Variants in HSPH1 observed in about 807,000 individuals in gnomAD.
HSPH1 encodes heat shock protein 105 kDa.
In HSPH1, 40 loss-of-function variants were observed where a neutral mutation model predicts 100.0. The ratio of observed to expected loss-of-function variants is 0.40; its 90% CI spans 0.31 to 0.52. The LOEUF (loss-of-function observed/expected upper bound fraction) is 0.52. Ranked by LOEUF, HSPH1 falls within the 20% of genes least tolerant of loss-of-function variation. HSPH1 has a pLI of 0.54. For synonymous variants in HSPH1, 403 were observed against 344.0 expected (o/e 1.17, Z -1.90); for missense variants, 876 against 1,015.1 (o/e 0.86, Z 1.86).
At chr13:31,159,115 CCA>C (rs35544039) in intron 1 of HSPH1, among the ~76,000 whole-genome samples, 40,698 of 151,924 alleles carry the variant, frequency 0.27, 5,676 homozygotes, top group East Asian at 0.46. Context: ...TCTCCAGGTT[CCA>C]GTTATTATGA....
At chr13:31,145,089 A>C (rs1347255136) in intron 11 of HSPH1, among the ~76,000 whole-genome samples, 1 of 152,168 alleles carries the variant, frequency 6.6e-6, no homozygotes, top group African/African-American at 2.4e-5. Context: ...CTACACAGAC[A>C]CTTCTCTTCC....
intron 1 of HSPH1, among the ~76,000 whole-genome samples, chr13:31,159,967 AAATT>A (rs1234802644): frequency 6.6e-6 from 1 of 152,234 alleles, no homozygotes; most frequent in African/African-American, 2.4e-5. Flanking sequence ...GGGGAGAATC[AAATT>A]AATTGTACTA....
intron 1 of HSPH1, among the ~76,000 whole-genome samples, chr13:31,160,556 A>G (rs1018012740): frequency 2.6e-5 from 4 of 152,174 alleles, no homozygotes; most frequent in African/African-American, 9.7e-5. Context: ...GCACATGCAG[A>G]TATGTTTGTA....
At chr13:31,138,615 G>GT in intron 16 of HSPH1, 47 bp from the exon 17 acceptor site, 3 of 1,556,468 alleles carry the variant, frequency 1.9e-6, no homozygotes, top group Non-Finnish European at 2.6e-6. Context: ...TTGAACAATA[G>GT]TATCTCATTT....
intron 8 of HSPH1, among the ~76,000 whole-genome samples, chr13:31,149,524 T>C (rs1396874829): frequency 6.6e-6 from 1 of 152,202 alleles, no homozygotes; most frequent in African/African-American, 2.4e-5. Flanking sequence ...TAAAAATCAA[T>C]TTGGGGATAA....
chr13:31,146,007 C>T (rs112082823), intron 10 of HSPH1, among the ~76,000 whole-genome samples: 266 of 152,060 alleles, frequency 1.7e-3, no homozygotes, highest in African/African-American at 5.7e-3. Context: ...CAGTGGCATG[C>T]GCCTGTAGTC....
chr13:31,160,524 G>T lies in HSPH1; in HGVS notation c.107+952C>A, dbSNP rs12584440. Among the ~76,000 whole-genome samples, 22 of 152,278 alleles carry T rather than the reference G, an allele frequency of 1.4e-4. No homozygotes were observed. In the East Asian group the frequency reaches 4.1e-3, roughly 28 times the overall value. On this transcript the variant is annotated intron_variant, in intron 1 of 17. Transcript: ENST00000320027. Reference sequence around the variant, plus strand: ...ATAGGTACAGTATTTTCCTTGAGATGAAATCATTTGTTTTCATCAATGCAC... The same window carrying T: ...ATAGGTACAGTATTTTCCTTGAGATTAAATCATTTGTTTTCATCAATGCAC...
In HSPH1 at chr13:31,161,737, C is replaced by G. The variant is rs372617953; in HGVS notation, c.-155G>C. On this transcript the variant is annotated 5_prime_UTR_variant, in exon 1 of 18. Coordinates refer to ENST00000320027, the MANE Select transcript of HSPH1 (RefSeq NM_006644.4). The stretch of plus-strand genomic sequence containing the variant: ...GACACTCAGAAGGACACACAGACAG[C>G]CGCGGCCTGTCAGGAGCCTCCTACT... The G allele has an allele frequency of 6.5e-7, 1 of 1,532,258 alleles. No individual in the cohort carries two copies. Among genetic ancestry groups the G allele is most frequent in the African/African-American group, 1.4e-5 (1 of 73,064 alleles). 94.9% of individuals were successfully genotyped at this position (1,532,258 alleles called of 1,614,324 possible).
chr13:31,159,068 C>A (rs1956805023), intron 1 of HSPH1, among the ~76,000 whole-genome samples: 1 of 152,150 alleles, frequency 6.6e-6, no homozygotes, highest in Admixed American at 6.5e-5. Context: ...GGTGGCAGTT[C>A]TACTACCCCA....
intron 10 of HSPH1, 149 bp downstream of exon 10, chr13:31,147,810 T>C (rs1956323046): frequency 6.1e-6 from 4 of 651,914 alleles, no homozygotes; most frequent in African/African-American, 1.9e-5. Context: ...TATTTCTCCA[T>C]CACCATTATT....
In HSPH1 at chr13:31,158,868, A is replaced by G. The variant is rs1218222966; in HGVS notation, c.108-5T>C. On this transcript the variant is annotated splice_region_variant and splice_polypyrimidine_tract_variant and intron_variant, in intron 1 of 17. Transcript: ENST00000320027. Reference sequence around the variant, plus strand: ...GATCCAAATGATATGACTGACCTAGAAAAAAATATATTCCAAAAAATTAAA... The same window carrying G: ...GATCCAAATGATATGACTGACCTAGGAAAAAATATATTCCAAAAAATTAAA... 4 of 1,546,726 alleles carry G rather than the reference A, an allele frequency of 2.6e-6. No individual in the cohort carries two copies. Among genetic ancestry groups the G allele is most frequent in the Non-Finnish European group, 2.7e-6 (3 of 1,119,718 alleles).
intron 10 of HSPH1, among the ~76,000 whole-genome samples, chr13:31,146,029 G>C (rs1324453834): frequency 6.6e-6 from 1 of 152,218 alleles, no homozygotes; most frequent in East Asian, 1.9e-4. Context: ...CAGCTACTCA[G>C]GAGTCTGAGG....
Position 31,148,500 on chromosome 13 carries a change from A to G in HSPH1, c.1138-20T>C, listed in dbSNP as rs1369356244. 2.1e-6 allele frequency: 2 copies of G among 962,518 alleles called. No homozygotes were observed. The highest frequency in any genetic ancestry group is 1.8e-5 in the South Asian group (1 of 54,542). 59.6% of individuals were successfully genotyped at this position (962,518 alleles called of 1,614,324 possible). A position where few individuals can be genotyped will look rare whatever the true frequency, so the allele number is the denominator to read the frequency against. On this transcript the variant is annotated intron_variant, in intron 8 of 17. Coordinates refer to ENST00000320027, the MANE Select transcript of HSPH1 (RefSeq NM_006644.4). ...TGCACACTTAAAAAAAAAAAAAAAA[A>G]TCATGAGCACATGAACACTTCCCAG...
intron 1 of HSPH1, among the ~76,000 whole-genome samples, chr13:31,160,716 C>A (rs2137671092): frequency 6.6e-6 from 1 of 152,202 alleles, no homozygotes; most frequent in East Asian, 1.9e-4. Flanking sequence ...TTTTTATTCT[C>A]TTTTAAATAA....
At position 31,140,998 on chromosome 13, in the gene HSPH1, C is replaced by G. The variant is rs2137545451; in HGVS notation, c.1854+124G>C. 3 of 609,758 alleles carry G rather than the reference C, an allele frequency of 4.9e-6. No homozygotes were observed. The South Asian group carries it at 1.2e-4, about 23-fold the overall frequency. The allele number at this position is 609,758 out of a possible 1,614,324, so 37.8% of individuals were successfully genotyped here. A position where few individuals can be genotyped will look rare whatever the true frequency, so the allele number is the denominator to read the frequency against. Reference sequence around the variant, plus strand: ...TTCGTTAGTTTTGTCTTCATCCTATCCCTAAAACTATATAAAACTTGGGAT... The same window carrying G: ...TTCGTTAGTTTTGTCTTCATCCTATGCCTAAAACTATATAAAACTTGGGAT... On this transcript the variant is annotated intron_variant, in intron 13 of 17. Coordinates refer to ENST00000320027, the MANE Select transcript of HSPH1 (RefSeq NM_006644.4).
At chr13:31,143,723 T>C (rs757897769) in intron 12 of HSPH1, 69 bp downstream of exon 12, 111 of 1,303,838 alleles carry the variant, frequency 8.5e-5, no homozygotes, top group Non-Finnish European at 1.1e-4. Flanking sequence ...GAAACTGCAA[T>C]TTAATGATAT....
At chr13:31,137,850 TA>T (rs1435879658) in intron 17 of HSPH1, among the ~76,000 whole-genome samples, 1 of 152,138 alleles carries the variant, frequency 6.6e-6, no homozygotes, top group Non-Finnish European at 1.5e-5. Context: ...TCAGGAAAAC[TA>T]GTGAGGAAAG....
In HSPH1 at chr13:31,135,718, C is replaced by A; in HGVS notation, c.*1600G>T. ...CATCTTCACCCAGGAAGCATCAGAGCTGAGGAAATAAACCTCAGCAGTCAA... is the reference window on the plus strand; with the variant it reads ...CATCTTCACCCAGGAAGCATCAGAGATGAGGAAATAAACCTCAGCAGTCAA... On this transcript the variant is annotated 3_prime_UTR_variant, in exon 18 of 18. Coordinates refer to ENST00000320027, the MANE Select transcript of HSPH1 (RefSeq NM_006644.4). 1 of 152,214 alleles carries A rather than the reference C, an allele frequency of 6.6e-6. No homozygotes were observed. The highest frequency in any genetic ancestry group is 1.5e-5 in the Non-Finnish European group (1 of 68,038). 9.4% of individuals were successfully genotyped at this position (152,214 alleles called of 1,614,324 possible). A position where few individuals can be genotyped will look rare whatever the true frequency, so the allele number is the denominator to read the frequency against.
At chr13:31,159,939 G>C (rs770237659) in intron 1 of HSPH1, among the ~76,000 whole-genome samples, 1 of 152,106 alleles carries the variant, frequency 6.6e-6, no homozygotes, top group African/African-American at 2.4e-5. Flanking sequence ...TTGCAGAATG[G>C]ATCTACTCAT....
Sources: gnomAD v4.1 joint callset for allele counts (sites outside exome capture counted in the v4.1 genomes callset) on GRCh38, gnomAD v4.1.1 for gene constraint, MANE v1.5 for transcripts, NCBI Gene and HGNC (gene_info 2026-07-23, HGNC 2026-07-21) for gene names.